KCNMA1: variants seen among roughly 807,000 people sequenced by gnomAD.
KCNMA1 encodes Calcium-activated potassium channel subunit alpha-1.
KCNMA1 carries 29 observed loss-of-function variants against 140.0 expected under a neutral mutation model. The ratio of observed to expected loss-of-function variants is 0.21; its 90% CI spans 0.15 to 0.28. The LOEUF (loss-of-function observed/expected upper bound fraction) is 0.28. Among genes scored for constraint, KCNMA1 ranks in the 10% least tolerant of loss-of-function variants. The pLI, the probability that KCNMA1 is intolerant of heterozygous loss-of-function variation, is 1.00. For synonymous variants in KCNMA1, 612 were observed against 611.9 expected, an observed-to-expected ratio of 1.00 and a Z score of 0.00; for missense variants, 880 against 1,602.2, an observed-to-expected ratio of 0.55 and a Z score of 7.70.
At chr10:77,458,438 C>A (rs1471927611) in intron 1 of KCNMA1, among the ~76,000 whole-genome samples, 2 of 152,218 alleles carry the variant, frequency 1.3e-5, no homozygotes, top group East Asian at 1.9e-4. Flanking sequence ...TAGAACCCTG[C>A]CTGGACAGGG....
At chr10:77,172,046 G>T in intron 5 of KCNMA1, among the ~76,000 whole-genome samples, 1 of 152,164 alleles carries the variant, frequency 6.6e-6, no homozygotes, top group East Asian at 1.9e-4. Flanking sequence ...GTGTTCAGCT[G>T]AATAATGCAG....
exon 30 of KCNMA1, chr10:76,877,768 G>C: frequency 6.4e-7 from 1 of 1,561,668 alleles, no homozygotes; most frequent in Non-Finnish European, 8.7e-7. Context: ...TCTCTGATTG[G>C]TGGAATCAAG....
At chr10:76,967,013 G>C (rs943347250) in intron 20 of KCNMA1, among the ~76,000 whole-genome samples, 4 of 152,152 alleles carry the variant, frequency 2.6e-5, no homozygotes, top group Non-Finnish European at 5.9e-5. Context: ...AAGAACAAAG[G>C]GAAGGAAAAG....
chr10:77,501,773 G>A (rs2043992899), intron 1 of KCNMA1, among the ~76,000 whole-genome samples: 2 of 152,204 alleles, frequency 1.3e-5, no homozygotes, highest in Admixed American at 1.3e-4. Flanking sequence ...TGGTGGGGTG[G>A]GAGCAGGGGC....
chr10:76,893,247 C>CT (rs1235741821), intron 25 of KCNMA1, among the ~76,000 whole-genome samples: 2 of 152,146 alleles, frequency 1.3e-5, no homozygotes, highest in African/African-American at 4.8e-5. Flanking sequence ...TAGAAACATG[C>CT]TTGGTGCACA....
chr10:77,482,971 TTCTCTC>T (rs149631676), intron 1 of KCNMA1, among the ~76,000 whole-genome samples: 11 of 135,990 alleles, frequency 8.1e-5, no homozygotes, highest in Admixed American at 3.0e-4. Flanking sequence ...CCTTCCTCTC[TTCTCTC>T]TCTCTCTCTC....
intron 10 of KCNMA1, 23 bp from the exon 11 acceptor site, chr10:77,086,616 G>T (rs771221516): frequency 1.3e-6 from 2 of 1,547,814 alleles, no homozygotes. Context: ...AGAAGAAATC[G>T]CTATTAATTT....
At chr10:76,944,668 G>T in intron 23 of KCNMA1, 105 bp downstream of exon 23, 1 of 1,068,672 alleles carries the variant, frequency 9.4e-7, no homozygotes, top group Non-Finnish European at 1.4e-6. Flanking sequence ...TTCACTGCCA[G>T]GCAGGCTGAT....
chr10:77,278,500 G>A (rs1330550864), intron 2 of KCNMA1, among the ~76,000 whole-genome samples: 5 of 152,232 alleles, frequency 3.3e-5, no homozygotes, highest in East Asian at 3.9e-4. Flanking sequence ...CAAATATTTC[G>A]TGCACTGGAT....
At chr10:77,373,398 A>G (rs2094874888) in intron 2 of KCNMA1, among the ~76,000 whole-genome samples, 1 of 152,234 alleles carries the variant, frequency 6.6e-6, no homozygotes, top group East Asian at 1.9e-4. Flanking sequence ...GGAAATTACA[A>G]GCCCCAGGAA....
Position 77,184,812 on chromosome 10 carries a change from C to A in KCNMA1, c.696+11G>T. On this transcript the variant is annotated intron_variant, in intron 4 of 27. Transcript: ENST00000286628. ...CCCATTGTGATACTGAACAATGTTG[C>A]ACAAACTTACCCGCAAGCCGAAGTA... 2 of 1,557,910 alleles carry A rather than the reference C, an allele frequency of 1.3e-6. No individual in the cohort carries two copies. Among genetic ancestry groups the A allele is most frequent in the Non-Finnish European group, 1.8e-6 (2 of 1,129,280 alleles).
At chr10:77,628,096 C>G (rs2092755580) in intron 1 of KCNMA1, among the ~76,000 whole-genome samples, 1 of 147,404 alleles carries the variant, frequency 6.8e-6, no homozygotes, top group South Asian at 2.1e-4. Flanking sequence ...AAGAACAAGA[C>G]ATGGAACCAG....
intron 1 of KCNMA1, among the ~76,000 whole-genome samples, chr10:77,602,438 G>A (rs377756021): frequency 9.2e-5 from 14 of 152,222 alleles, no homozygotes; most frequent in Middle Eastern, 3.4e-3. Flanking sequence ...TGGGTATGGG[G>A]TTTGTTTCTT....
intron 19 of KCNMA1, among the ~76,000 whole-genome samples, chr10:76,983,043 T>C (rs1425860590): frequency 6.6e-6 from 1 of 152,232 alleles, no homozygotes; most frequent in East Asian, 1.9e-4. Context: ...ATTTCTTGTC[T>C]TCAACTACTC....
rs1196371060 is a variant in KCNMA1, at chr10:76,919,982, TTGTGTG to T, written c.2903-4939_2903-4934del. 2.4e-3 allele frequency among the ~76,000 whole-genome samples: 189 copies of T among 77,586 alleles called. 4 individuals carry two copies. The highest frequency in any genetic ancestry group is 7.8e-3 in the African/African-American group (157 of 20,238). The allele number at this position is 77,586 out of a possible 152,430, so 50.9% of individuals were successfully genotyped here. A position where few individuals can be genotyped will look rare whatever the true frequency, so the allele number is the denominator to read the frequency against. On this transcript the variant is annotated intron_variant, in intron 23 of 27. Coordinates refer to ENST00000286628, the MANE Select transcript of KCNMA1 (RefSeq NM_001161352.2). ...AATACTAATGAGAAGGCAATGAGCA[TTGTGTG>T]TGTGTGTGTGTGTGTGTGTGTGTGT...
intron 19 of KCNMA1, among the ~76,000 whole-genome samples, chr10:76,997,645 G>A (rs1326888954): frequency 6.6e-6 from 1 of 152,190 alleles, no homozygotes; most frequent in Non-Finnish European, 1.5e-5. Flanking sequence ...GAGAGAGAAA[G>A]GTCCATTTTA....
chr10:77,363,040 A>G lies in KCNMA1; in HGVS notation c.540+40822T>C, dbSNP rs189629729. ...GGAGAGCCAAGATCGTTAGCCCTCCAGGCAAACCATTCAAGTCCTCGTGCT... is the reference window on the plus strand; with the variant it reads ...GGAGAGCCAAGATCGTTAGCCCTCCGGGCAAACCATTCAAGTCCTCGTGCT... On this transcript the variant is annotated intron_variant, in intron 2 of 27. Transcript: ENST00000286628. Among the ~76,000 whole-genome samples the G allele has an allele frequency of 4.6e-5, 7 of 152,362 alleles. No individual in the cohort carries two copies. The East Asian group carries it at 1.3e-3, about 29-fold the overall frequency.
chr10:77,325,937 A>G (rs562540844), intron 2 of KCNMA1, among the ~76,000 whole-genome samples: 1 of 152,184 alleles, frequency 6.6e-6, no homozygotes, highest in African/African-American at 2.4e-5. Context: ...CTGAACTCAC[A>G]TGGTCCTTTG....
intron 23 of KCNMA1, among the ~76,000 whole-genome samples, chr10:76,916,186 G>A (rs1172032614): frequency 1.2e-4 from 19 of 152,070 alleles, no homozygotes. Context: ...CCTGCTTATG[G>A]CTGATCCCTT....
Sources: gnomAD v4.1 joint callset for allele counts (sites outside exome capture counted in the v4.1 genomes callset) on GRCh38, gnomAD v4.1.1 for gene constraint, MANE v1.5 for transcripts, NCBI Gene and HGNC (gene_info 2026-07-23, HGNC 2026-07-21) for gene names.